The following NUP210L variants were observed in gnomAD, a reference collection of about 807,000 sequenced individuals.
The protein encoded by NUP210L is nuclear pore membrane glycoprotein 210-like.
NUP210L carries 74 observed loss-of-function variants against 208.5 expected under a neutral mutation model. The observed-to-expected ratio is 0.35, with a 90% CI of 0.29 to 0.43. The LOEUF (loss-of-function observed/expected upper bound fraction) is 0.43, where lower values mean the gene tolerates loss of function less well. Ranked by LOEUF, NUP210L falls within the 20% of genes least tolerant of loss-of-function variation. The pLI, the probability that NUP210L is intolerant of heterozygous loss-of-function variation, is 1.00. For synonymous variants in NUP210L, 780 were observed against 816.9 expected (o/e 0.95, Z 0.77); for missense variants, 1,843 against 2,289.4 (o/e 0.81, Z 3.98).
intron 34 of NUP210L, among the ~76,000 whole-genome samples, chr1:154,012,002 G>A (rs1202561117): frequency 5.3e-5 from 8 of 152,038 alleles, no homozygotes; most frequent in Non-Finnish European, 1.0e-4. Context: ...AAGCCACCGC[G>A]CCCGGCCTAA....
At chr1:154,088,373 G>A (rs1655733581) in intron 16 of NUP210L, among the ~76,000 whole-genome samples, 1 of 152,128 alleles carries the variant, frequency 6.6e-6, no homozygotes, top group South Asian at 2.1e-4. Context: ...TGTCAATAGG[G>A]TGATGGAGAA....
At chr1:154,017,063 A>G (rs1651290711) in intron 33 of NUP210L, among the ~76,000 whole-genome samples, 1 of 152,034 alleles carries the variant, frequency 6.6e-6, no homozygotes, top group Non-Finnish European at 1.5e-5. Flanking sequence ...AGCAGATCAC[A>G]TGAGGCCAGT....
chr1:154,038,229 C>A (rs1350500212), intron 27 of NUP210L, among the ~76,000 whole-genome samples: 1 of 151,930 alleles, frequency 6.6e-6, no homozygotes, highest in East Asian at 1.9e-4. Flanking sequence ...GCCTCCCAGG[C>A]TCAAGAGATC....
At chr1:153,995,641 CG>C in intron 37 of NUP210L, 2 of 1,304,442 alleles carry the variant, frequency 1.5e-6, no homozygotes, top group Non-Finnish European at 2.2e-6. Flanking sequence ...AATGGTCCAG[CG>C]TTTGACATAC....
chr1:154,040,509 C>A (rs1006257315), intron 27 of NUP210L, among the ~76,000 whole-genome samples: 4 of 151,780 alleles, frequency 2.6e-5, no homozygotes, highest in Non-Finnish European at 4.4e-5. Flanking sequence ...TTTCATAGTC[C>A]CAGCAGCATA....
intron 16 of NUP210L, among the ~76,000 whole-genome samples, chr1:154,080,981 A>G (rs1401615505): frequency 6.6e-6 from 1 of 150,940 alleles, no homozygotes; most frequent in Non-Finnish European, 1.5e-5. Context: ...TTCCGAAAAA[A>G]AAAAAAAGAA....
intron 30 of NUP210L, 114 bp downstream of exon 30, chr1:154,025,428 T>C (rs1651823365): frequency 1.6e-6 from 1 of 622,144 alleles, no homozygotes; most frequent in African/African-American, 1.9e-5. Context: ...TTTTCTTTTT[T>C]TCTTTAATGG....
chr1:154,011,843 C>T (rs1236290621), intron 34 of NUP210L, among the ~76,000 whole-genome samples: 3 of 151,798 alleles, frequency 2.0e-5, no homozygotes, highest in Non-Finnish European at 1.5e-5. Context: ...CACGCCACCA[C>T]ACCCAGCTAG....
chr1:154,035,401 AC>A (rs2147951273), intron 27 of NUP210L, among the ~76,000 whole-genome samples: 1 of 140,386 alleles, frequency 7.1e-6, no homozygotes, highest in East Asian at 2.1e-4. Flanking sequence ...AATTTTTTCT[AC>A]TTTTTTTTTT....
At chr1:154,125,005 G>A (rs1160068346) in intron 10 of NUP210L, among the ~76,000 whole-genome samples, 2 of 151,352 alleles carry the variant, frequency 1.3e-5, no homozygotes, top group African/African-American at 4.9e-5. Flanking sequence ...ATGGAAATGT[G>A]CATATGAAAT....
rs182423356 is a variant in NUP210L, at chr1:154,139,824, C to T, written c.695G>A (p.Arg232Gln). ...TACCTTATAGAATGGTTCATGAATT[C>T]GAACTTTTACAACAGCAGCACCAGT... Residue 232 changes from arginine (R) to glutamine (Q), a missense_variant, in exon 5 of 40, where the codon CGA becomes CAA. This residue lies in a region of NUP210L where 542 missense variants were observed against 606.4 expected (regional missense o/e 0.89). Transcript: ENST00000368559. 6.8e-6 allele frequency: 11 copies of T among 1,612,264 alleles called. No individual in the cohort carries two copies. In the East Asian group the frequency reaches 8.9e-5, roughly 13 times the overall value.
chr1:154,133,668 T>C (rs2148129065), intron 7 of NUP210L, among the ~76,000 whole-genome samples: 1 of 151,106 alleles, frequency 6.6e-6, no homozygotes, highest in African/African-American at 2.4e-5. Flanking sequence ...GGCGAGACCT[T>C]GTGTCTATAA....
intron 13 of NUP210L, among the ~76,000 whole-genome samples, chr1:154,102,734 G>A (rs1656530497): frequency 6.6e-6 from 1 of 152,088 alleles, no homozygotes; most frequent in Non-Finnish European, 1.5e-5. Context: ...AAGTTCAATA[G>A]CAGGAAAGGA....
At chr1:154,121,736 G>A (rs1326951233) in intron 10 of NUP210L, among the ~76,000 whole-genome samples, 5 of 151,782 alleles carry the variant, frequency 3.3e-5, no homozygotes, top group African/African-American at 4.8e-5. Context: ...GCATGGTGGC[G>A]GGCGCCTGTA....
At chr1:154,127,620 G>A (rs1454959441) in intron 8 of NUP210L, among the ~76,000 whole-genome samples, 1 of 145,736 alleles carries the variant, frequency 6.9e-6, no homozygotes, top group Non-Finnish European at 1.5e-5. Flanking sequence ...TGATGATTTC[G>A]GCTCACTGCA....
At chr1:154,124,657 T>C (rs1427218087) in intron 10 of NUP210L, among the ~76,000 whole-genome samples, 2 of 152,182 alleles carry the variant, frequency 1.3e-5, no homozygotes, top group African/African-American at 4.8e-5. Context: ...TTAGAATTAA[T>C]AGTACTCTAT....
intron 37 of NUP210L, among the ~76,000 whole-genome samples, chr1:153,999,830 CTT>C (rs757776667): frequency 1.7e-4 from 24 of 138,876 alleles, no homozygotes; most frequent in Admixed American, 2.2e-4. Context: ...ATTCTTTTTC[CTT>C]TTTTTTTTTT....
exon 28 of NUP210L, chr1:154,030,033 C>G: frequency 6.3e-7 from 1 of 1,595,786 alleles, no homozygotes; most frequent in Middle Eastern, 1.7e-4. Context: ...AAGTTATGCT[C>G]TACTGGGAGC....
chr1:154,069,761 T>C lies in NUP210L; in HGVS notation c.2554+512A>G, dbSNP rs569688598. On this transcript the variant is annotated intron_variant, in intron 17 of 39. Coordinates refer to ENST00000368559, the Ensembl canonical transcript of NUP210L. ...AAAGACACATGCACACGTATGTTTATTGCAGCACTATTCACAATAGCAAAG... is the reference window on the plus strand; with the variant it reads ...AAAGACACATGCACACGTATGTTTACTGCAGCACTATTCACAATAGCAAAG... Among the ~76,000 whole-genome samples, 336 of 152,342 alleles carry C rather than the reference T, an allele frequency of 2.2e-3. 1 individual carries two copies. Among genetic ancestry groups the C allele is most frequent in the Non-Finnish European group, 3.9e-3 (263 of 68,036 alleles).
Sources: allele counts gnomAD v4.1 joint callset (sites outside exome capture counted in the v4.1 genomes callset), GRCh38; gene constraint gnomAD v4.1.1; regional missense constraint gnomAD v4.1.1; transcripts MANE v1.5; gene names NCBI Gene and HGNC (gene_info 2026-07-23, HGNC 2026-07-21).